DYSF: variants seen among roughly 807,000 people sequenced by gnomAD.
DYSF encodes the protein dysferlin.
A neutral mutation model predicts 274.9 loss-of-function variants in DYSF; 212 were observed. That is an observed-to-expected ratio of 0.77 (90% CI 0.69 to 0.86). The LOEUF (loss-of-function observed/expected upper bound fraction) is 0.86, where lower values mean the gene tolerates loss of function less well. Ranked by LOEUF, DYSF falls within the 40% of genes least tolerant of loss-of-function variation. The pLI is 0.00. For missense variants in DYSF, 2,666 were observed against 2,783.2 expected, an observed-to-expected ratio of 0.96 and a Z score of 0.95; for synonymous variants, 1,091 against 1,078.7, an observed-to-expected ratio of 1.01 and a Z score of -0.22.
rs1330322532 is a variant in DYSF, at chr2:71,682,696, ACT to A, written c.6321+20_6321+21del. The A allele has an allele frequency of 6.2e-7, 1 of 1,610,756 alleles. No homozygotes were observed. The highest frequency in any genetic ancestry group is 8.5e-7 in the Non-Finnish European group (1 of 1,178,424). On this transcript the variant is annotated intron_variant, in intron 55 of 55. Transcript: ENST00000410020. The stretch of plus-strand genomic sequence containing the variant: ...CTTCCCGGTGAGCAGGCCTGACGAC[ACT>A]GTGGTGGGGGAACTCTGGGTCTAAT...
intron 32 of DYSF, among the ~76,000 whole-genome samples, chr2:71,598,046 C>T (rs1340117230): frequency 6.6e-6 from 1 of 152,230 alleles, no homozygotes; most frequent in Non-Finnish European, 1.5e-5. Flanking sequence ...AGCCAGATCC[C>T]TCCCTAACAC....
chr2:71,655,785 T>C (rs1045266290), intron 42 of DYSF, among the ~76,000 whole-genome samples: 15 of 152,256 alleles, frequency 9.9e-5, no homozygotes, highest in African/African-American at 3.4e-4. Flanking sequence ...TTTTAAAAAA[T>C]GTACTGCCCA....
rs773089790 is a variant in DYSF, at chr2:71,667,468, G to A, written c.5410G>A (p.Val1804Met). ...GCAGCAGGGCCTGGTCCCGGAGCAC[G>A]TGGAGTCACGGCCCCTCTACAGCCC... is the stretch of plus-strand genomic sequence containing the variant. ...LQQQGLVPEH[V>M]ESRPLYSPLQ... Residue 1804 changes from valine (V) to methionine (M), a missense_variant, in exon 48 of 56, where the codon GTG becomes ATG. By Grantham distance (21) the Val-to-Met change is conservative. This residue lies in a region of DYSF where 1,460 missense variants were observed against 1,502.1 expected (regional missense o/e 0.97). Transcript: ENST00000410020. 2.9e-5 allele frequency: 46 copies of A among 1,614,002 alleles called. No homozygotes were observed. The highest frequency in any genetic ancestry group is 3.7e-5 in the Non-Finnish European group (44 of 1,180,036).
At chr2:71,542,579 T>G (rs969839818) in intron 17 of DYSF, among the ~76,000 whole-genome samples, 9 of 152,282 alleles carry the variant, frequency 5.9e-5, no homozygotes, top group African/African-American at 2.2e-4. Context: ...ATGACTCTTA[T>G]GGAGCATGCT....
intron 3 of DYSF, among the ~76,000 whole-genome samples, chr2:71,496,478 G>C (rs1449279044): frequency 6.6e-6 from 1 of 152,162 alleles, no homozygotes. Flanking sequence ...AACAGGCCTG[G>C]GGACTGGCCA....
rs376461572 is a variant in DYSF at position 71,574,451 on chromosome 2, G to A, written c.3402+80G>A. The A allele has an allele frequency of 7.6e-4, 1,166 of 1,534,404 alleles. 1 individual carries two copies. Among genetic ancestry groups the A allele is most frequent in the Middle Eastern group, 2.3e-3 (13 of 5,696 alleles). On this transcript the variant is annotated intron_variant, in intron 30 of 55. Coordinates refer to ENST00000410020, the MANE Select transcript of DYSF (RefSeq NM_001130987.2). The stretch of plus-strand genomic sequence containing the variant: ...GGCTGTTCGGGCTGATGTGGGAGAG[G>A]CACAGGGACCCCAGGTTAGGACTTT...
At position 71,656,540 on chromosome 2, in the gene DYSF, T is replaced by G. The variant is rs115954831; in HGVS notation, c.4755+250T>G. 3.2e-3 allele frequency among the ~76,000 whole-genome samples: 484 copies of G among 152,316 alleles called. 1 individual carries two copies. The highest frequency in any genetic ancestry group is 0.027 in the Middle Eastern group (8 of 294). ...AGAGTGGTGGTCATGATGGTGATTG[T>G]GTCAGTGACAATTGTATTTGTTTTT... On this transcript the variant is annotated intron_variant, in intron 43 of 55. Transcript: ENST00000410020.
At chr2:71,628,389 T>G (rs2094249094) in intron 41 of DYSF, among the ~76,000 whole-genome samples, 1 of 150,780 alleles carries the variant, frequency 6.6e-6, no homozygotes, top group Non-Finnish European at 1.5e-5. Context: ...AAGTAATCAT[T>G]TTTTTCTTTT....
intron 1 of DYSF, among the ~76,000 whole-genome samples, chr2:71,467,625 A>G (rs1322330505): frequency 6.6e-6 from 1 of 152,140 alleles, no homozygotes; most frequent in Non-Finnish European, 1.5e-5. Flanking sequence ...CCTCCAAGGC[A>G]GATTCCCACT....
chr2:71,639,070 G>A (rs1418255270), intron 41 of DYSF, among the ~76,000 whole-genome samples: 1 of 152,180 alleles, frequency 6.6e-6, no homozygotes, highest in African/African-American at 2.4e-5. Context: ...TTGCATTTCT[G>A]TGATGTCTAA....
chr2:71,530,562 T>G (rs2088569489), intron 14 of DYSF, among the ~76,000 whole-genome samples: 1 of 152,156 alleles, frequency 6.6e-6, no homozygotes, highest in Non-Finnish European at 1.5e-5. Context: ...TAGATTGGCA[T>G]CTGGGCTCAT....
intron 3 of DYSF, among the ~76,000 whole-genome samples, chr2:71,495,246 A>C (rs1373558146): frequency 6.6e-6 from 1 of 151,522 alleles, no homozygotes; most frequent in African/African-American, 2.4e-5. Context: ...TGCTCACTAC[A>C]TATTTGTTGA....
intron 45 of DYSF, among the ~76,000 whole-genome samples, chr2:71,662,781 ATGTG>A (rs751912129): frequency 1.5e-5 from 2 of 136,328 alleles, no homozygotes; most frequent in East Asian, 4.5e-4. Flanking sequence ...GTGTGTGTGT[ATGTG>A]TGTTTGTGTC....
At chr2:71,522,736 C>T (rs2087434847) in intron 12 of DYSF, among the ~76,000 whole-genome samples, 1 of 152,128 alleles carries the variant, frequency 6.6e-6, no homozygotes, top group Non-Finnish European at 1.5e-5. Context: ...CTTATTATAG[C>T]AAAGCCTGTA....
chr2:71,541,631 CTT>C (rs1334641746), intron 17 of DYSF, among the ~76,000 whole-genome samples: 5 of 151,638 alleles, frequency 3.3e-5, no homozygotes, highest in African/African-American at 1.2e-4. Flanking sequence ...TTTATAGCTT[CTT>C]GTCTTTATTT....
At chr2:71,625,470 T>G (rs2094192566) in intron 41 of DYSF, among the ~76,000 whole-genome samples, 1 of 152,166 alleles carries the variant, frequency 6.6e-6, no homozygotes, top group South Asian at 2.1e-4. Context: ...TGTCATTTGT[T>G]GGGTTTCCAT....
At chr2:71,546,211 C>T (rs997727563) in intron 17 of DYSF, among the ~76,000 whole-genome samples, 4 of 152,358 alleles carry the variant, frequency 2.6e-5, no homozygotes. Context: ...CCTCAGAACG[C>T]GTCGCTCCAA....
At chr2:71,556,791 C>T (rs1305507187) in intron 22 of DYSF, among the ~76,000 whole-genome samples, 4 of 152,194 alleles carry the variant, frequency 2.6e-5, no homozygotes, top group Admixed American at 6.5e-5. Context: ...GTTTTCTCAG[C>T]TGTTAAATGG....
In DYSF at chr2:71,549,193, G is replaced by C. The variant is rs897124276; in HGVS notation, c.1577-1848G>C. ...TTAGTTTATGATAAATTCACAGCTG[G>C]GCAGAGGGTGGGGCCTCGGGCCACA... On this transcript the variant is annotated intron_variant, in intron 17 of 55. Coordinates refer to ENST00000410020, the MANE Select transcript of DYSF (RefSeq NM_001130987.2). Among the ~76,000 whole-genome samples, 6 of 152,056 alleles carry C rather than the reference G, an allele frequency of 3.9e-5. No individual in the cohort carries two copies. The East Asian group carries it at 5.8e-4, about 15-fold the overall frequency.
Sources: gnomAD v4.1 joint callset for allele counts (sites outside exome capture counted in the v4.1 genomes callset) on GRCh38, gnomAD v4.1.1 for gene constraint, gnomAD v4.1.1 regional missense constraint, MANE v1.5 for transcripts, NCBI Gene and HGNC (gene_info 2026-07-23, HGNC 2026-07-21) for gene names.